Variants in WWOX observed in about 807,000 individuals in gnomAD.
WWOX encodes the protein WW domain-containing oxidoreductase.
A neutral mutation model predicts 46.2 loss-of-function variants in WWOX; 69 were observed. That is an observed-to-expected ratio of 1.49 (90% CI 1.23 to 1.82). WWOX has a LOEUF of 1.82. Ranked by LOEUF, WWOX falls within the 40% of genes most tolerant of loss-of-function variation. The pLI is 0.00. For missense variants in WWOX, 919 were observed against 542.6 expected (o/e 1.69, Z -6.89); for synonymous variants, 359 against 202.6 (o/e 1.77, Z -6.56).
At chr16:78,810,835 G>A (rs867677226) in intron 8 of WWOX, among the ~76,000 whole-genome samples, 4 of 152,134 alleles carry the variant, frequency 2.6e-5, no homozygotes, top group Non-Finnish European at 4.4e-5. Flanking sequence ...ACAAATGACA[G>A]CGCAAGATCC....
At chr16:78,913,247 T>C (rs2045158032) in intron 8 of WWOX, among the ~76,000 whole-genome samples, 1 of 152,016 alleles carries the variant, frequency 6.6e-6, no homozygotes, top group East Asian at 1.9e-4. Context: ...TGCCTAGTGC[T>C]TCACATAAGC....
intron 8 of WWOX, among the ~76,000 whole-genome samples, chr16:78,497,765 G>A (rs1295349628): frequency 6.6e-6 from 1 of 151,920 alleles, no homozygotes; most frequent in South Asian, 2.1e-4. Context: ...TGGGTCTGGA[G>A]ATGTCACCCT....
At chr16:78,983,829 G>A (rs2046730679) in intron 8 of WWOX, among the ~76,000 whole-genome samples, 1 of 149,762 alleles carries the variant, frequency 6.7e-6, no homozygotes, top group African/African-American at 2.5e-5. Flanking sequence ...AATGCAGAAC[G>A]ATAGGACTGG....
At chr16:79,067,722 C>G (rs1266672901) in intron 8 of WWOX, among the ~76,000 whole-genome samples, 3 of 152,144 alleles carry the variant, frequency 2.0e-5, no homozygotes, top group Non-Finnish European at 4.4e-5. Context: ...AACTCATCTG[C>G]AGCTGTATTC....
chr16:78,994,072 C>T (rs188194657), intron 8 of WWOX, among the ~76,000 whole-genome samples: 6 of 152,276 alleles, frequency 3.9e-5, no homozygotes, highest in African/African-American at 1.2e-4. Context: ...AGGATGTTTG[C>T]ATTTGATTCA....
chr16:78,661,448 C>T (rs1489843196), intron 8 of WWOX, among the ~76,000 whole-genome samples: 2 of 152,216 alleles, frequency 1.3e-5, no homozygotes, highest in Non-Finnish European at 2.9e-5. Flanking sequence ...TTCTGTATGA[C>T]TTTATCTGCT....
At chr16:78,912,281 C>T (rs929235690) in intron 8 of WWOX, among the ~76,000 whole-genome samples, 3 of 152,036 alleles carry the variant, frequency 2.0e-5, no homozygotes, top group Non-Finnish European at 4.4e-5. Flanking sequence ...ATTGAAGTCT[C>T]ACTGTGTGCC....
Position 78,406,336 on chromosome 16 carries a change from A to T in WWOX, c.606-18534A>T, listed in dbSNP as rs1450847488. On this transcript the variant is annotated intron_variant, in intron 6 of 8. Transcript: ENST00000566780. ...TATATATATATATATATATATATATATATATATATATATATATATTTTATT... is the reference window on the plus strand; with the variant it reads ...TATATATATATATATATATATATATTTATATATATATATATATATTTTATT... 3.5e-5 allele frequency among the ~76,000 whole-genome samples: 3 copies of T among 86,336 alleles called. No homozygotes were observed. The African/African-American group carries it at 4.2e-4, about 12-fold the overall frequency. The allele number at this position is 86,336 out of a possible 152,430, so 56.6% of individuals were successfully genotyped here.
chr16:78,845,431 C>G (rs753416873), intron 8 of WWOX, among the ~76,000 whole-genome samples: 3 of 152,158 alleles, frequency 2.0e-5, no homozygotes, highest in Non-Finnish European at 2.9e-5. Context: ...GGCCTGGAAA[C>G]TGGAGTCAAC....
chr16:78,907,496 T>G (rs1279714945), intron 8 of WWOX, among the ~76,000 whole-genome samples: 2 of 152,320 alleles, frequency 1.3e-5, no homozygotes, highest in South Asian at 2.1e-4. Flanking sequence ...CAGTTTAGTT[T>G]GGGGGTAGGG....
chr16:78,770,203 G>T (rs9930346), intron 8 of WWOX, among the ~76,000 whole-genome samples: 115,113 of 151,868 alleles, frequency 0.76, 44,761 homozygotes, highest in Middle Eastern at 0.9. Context: ...ATACAAAAGT[G>T]AGTCGGGGTT....
intron 5 of WWOX, among the ~76,000 whole-genome samples, chr16:78,352,940 T>G (rs1347725713): frequency 6.6e-6 from 1 of 152,248 alleles, no homozygotes; most frequent in African/African-American, 2.4e-5. Flanking sequence ...TAGTTTATTT[T>G]ATTCTTTAAT....
At chr16:78,534,853 A>G (rs2043720196) in intron 8 of WWOX, among the ~76,000 whole-genome samples, 1 of 151,868 alleles carries the variant, frequency 6.6e-6, no homozygotes, top group African/African-American at 2.4e-5. Context: ...AGCTGGGACT[A>G]CAGGTGCGCG....
intron 8 of WWOX, among the ~76,000 whole-genome samples, chr16:78,515,051 C>T (rs1347522115): frequency 6.6e-6 from 1 of 152,024 alleles, no homozygotes; most frequent in African/African-American, 2.4e-5. Context: ...AAAACCCCAC[C>T]TCTACTAAAA....
At chr16:78,209,940 G>T (rs528182815) in intron 5 of WWOX, among the ~76,000 whole-genome samples, 1 of 152,102 alleles carries the variant, frequency 6.6e-6, no homozygotes, top group East Asian at 1.9e-4. Context: ...CTGAAGAATT[G>T]CCACACAGGG....
intron 8 of WWOX, among the ~76,000 whole-genome samples, chr16:78,547,057 G>T (rs1371891471): frequency 6.9e-6 from 1 of 145,548 alleles, no homozygotes; most frequent in Non-Finnish European, 1.5e-5. Flanking sequence ...GAGCCTGGGA[G>T]GTCAAAGCTG....
intron 8 of WWOX, among the ~76,000 whole-genome samples, chr16:79,126,995 CT>C (rs954542061): frequency 6.6e-6 from 1 of 150,446 alleles, no homozygotes. Flanking sequence ...GTGGCCACTG[CT>C]TTTTTTTTAA....
chr16:78,278,979 T>C (rs1403715905), intron 5 of WWOX, among the ~76,000 whole-genome samples: 2 of 152,186 alleles, frequency 1.3e-5, no homozygotes, highest in Non-Finnish European at 2.9e-5. Context: ...TCCATCTCTA[T>C]TGTATTATCT....
chr16:78,502,887 A>G (rs2085105519), intron 8 of WWOX, among the ~76,000 whole-genome samples: 1 of 152,166 alleles, frequency 6.6e-6, no homozygotes. Flanking sequence ...GAAGGAAGGC[A>G]ATGGCGTTTT....
Sources: gnomAD v4.1 joint callset for allele counts (sites outside exome capture counted in the v4.1 genomes callset) on GRCh38, gnomAD v4.1.1 for gene constraint, MANE v1.5 for transcripts, NCBI Gene and HGNC (gene_info 2026-07-23, HGNC 2026-07-21) for gene names.